Variants in CDKAL1 observed in about 807,000 individuals in gnomAD.
CDKAL1 encodes the protein CDKAL1 threonylcarbamoyladenosine tRNA methylthiotransferase.
A neutral mutation model predicts 68.2 loss-of-function variants in CDKAL1; 32 were observed. That is an observed-to-expected ratio of 0.47 (90% CI 0.35 to 0.63). The LOEUF is 0.63. Ranked by LOEUF, CDKAL1 falls within the 30% of genes least tolerant of loss-of-function variation. The pLI is 0.00. For synonymous variants in CDKAL1, 234 were observed against 244.3 expected (o/e 0.96, Z 0.39); for missense variants, 606 against 696.7 (o/e 0.87, Z 1.47).
At chr6:20,794,444 T>C (rs1776027936) in intron 8 of CDKAL1, among the ~76,000 whole-genome samples, 1 of 152,128 alleles carries the variant, frequency 6.6e-6, no homozygotes. Context: ...ATGAGAATGA[T>C]CTGAAGACTT....
chr6:20,696,854 T>C (rs1415258613), intron 5 of CDKAL1, among the ~76,000 whole-genome samples: 1 of 152,180 alleles, frequency 6.6e-6, no homozygotes, highest in Non-Finnish European at 1.5e-5. Flanking sequence ...CAGTATGTGT[T>C]GAAGAATGTT....
At chr6:20,830,251 A>G (rs1777659035) in intron 8 of CDKAL1, among the ~76,000 whole-genome samples, 1 of 152,240 alleles carries the variant, frequency 6.6e-6, no homozygotes, top group Admixed American at 6.5e-5. Flanking sequence ...TCAAAACAAA[A>G]TAAATGATAG....
intron 8 of CDKAL1, among the ~76,000 whole-genome samples, chr6:20,788,698 G>A (rs368447175): frequency 6.6e-6 from 1 of 152,114 alleles, no homozygotes. Context: ...TGATGCTGCT[G>A]TATCTTCTAC....
chr6:20,589,805 T>G (rs1327743442), intron 4 of CDKAL1, among the ~76,000 whole-genome samples: 1 of 152,218 alleles, frequency 6.6e-6, no homozygotes, highest in Non-Finnish European at 1.5e-5. Flanking sequence ...CAAATTTATG[T>G]TTAAAGTTTC....
At chr6:20,653,917 TTATATTTTTAG>T (rs1260084858) in intron 5 of CDKAL1, among the ~76,000 whole-genome samples, 1 of 150,526 alleles carries the variant, frequency 6.6e-6, no homozygotes, top group Non-Finnish European at 1.5e-5. Context: ...AGTCAATTTT[TTATATTTTTAG>T]TAGAGATGCG....
chr6:21,027,871 G>A (rs1036807755), intron 11 of CDKAL1, among the ~76,000 whole-genome samples: 1 of 150,906 alleles, frequency 6.6e-6, no homozygotes, highest in African/African-American at 2.4e-5. Flanking sequence ...TGTAGATCAT[G>A]TTCTGGAAAA....
chr6:21,176,071 TG>T (rs1777560411), intron 13 of CDKAL1, among the ~76,000 whole-genome samples: 1 of 152,212 alleles, frequency 6.6e-6, no homozygotes, highest in East Asian at 1.9e-4. Context: ...CTCTACTGCA[TG>T]GGGTGTTTTG....
At position 20,862,662 on chromosome 6, in the gene CDKAL1, T is replaced by TGTGTGC. The variant is rs1554132203; in HGVS notation, c.742+16485_742+16486insTGTGCG. Among the ~76,000 whole-genome samples, 34 of 133,878 alleles carry TGTGTGC rather than the reference T, an allele frequency of 2.5e-4. No homozygotes were observed. The Middle Eastern group carries it at 0.013, about 50-fold the overall frequency. The allele number at this position is 133,878 out of a possible 152,430, so 87.8% of individuals were successfully genotyped here. A position where few individuals can be genotyped will look rare whatever the true frequency, so the allele number is the denominator to read the frequency against. ...GTGTGTGTGTGTGTGTGTGTGTGTG[T>TGTGTGC]GCGCGCGTGCATGCGCGCGTGCGCA... is the stretch of plus-strand genomic sequence containing the variant. On this transcript the variant is annotated intron_variant, in intron 9 of 15. Coordinates refer to ENST00000274695, the MANE Select transcript of CDKAL1 (RefSeq NM_017774.3).
rs947161359 is a variant in CDKAL1, at chr6:21,136,419, A to G, written c.1299+27956A>G. On this transcript the variant is annotated intron_variant, in intron 13 of 15. Coordinates refer to ENST00000274695, the MANE Select transcript of CDKAL1 (RefSeq NM_017774.3). Reference sequence around the variant, plus strand: ...AGCTAATTTTAATTCTGAGATTCATATGTAATGCCATTACTACCCACTATT... The same window carrying G: ...AGCTAATTTTAATTCTGAGATTCATGTGTAATGCCATTACTACCCACTATT... 1.3e-4 allele frequency among the ~76,000 whole-genome samples: 20 copies of G among 152,332 alleles called. 1 individual carries two copies. The highest frequency in any genetic ancestry group is 4.3e-4 in the African/African-American group (18 of 41,566).
At chr6:20,635,979 G>A (rs571448866) in intron 4 of CDKAL1, among the ~76,000 whole-genome samples, 1 of 152,254 alleles carries the variant, frequency 6.6e-6, no homozygotes, top group Admixed American at 6.5e-5. Context: ...TAAACTGGGG[G>A]AAACATAGTA....
intron 4 of CDKAL1, among the ~76,000 whole-genome samples, chr6:20,645,644 T>C (rs1421505853): frequency 1.3e-5 from 2 of 151,618 alleles, no homozygotes; most frequent in African/African-American, 4.9e-5. Context: ...GGCAGGAGAA[T>C]CACTTGGGCC....
chr6:20,688,136 C>T (rs555334603), intron 5 of CDKAL1, among the ~76,000 whole-genome samples: 81 of 152,072 alleles, frequency 5.3e-4, no homozygotes, highest in Admixed American at 5.0e-3. Context: ...CCTCACCCCC[C>T]ACCTCTGGCT....
intron 4 of CDKAL1, among the ~76,000 whole-genome samples, chr6:20,578,949 C>T (rs1269341414): frequency 6.6e-6 from 1 of 152,110 alleles, no homozygotes; most frequent in African/African-American, 2.4e-5. Flanking sequence ...GAAAGAAGTG[C>T]AGTAGCTAGT....
chr6:20,924,422 GGGT>G (rs1763094963), intron 9 of CDKAL1, among the ~76,000 whole-genome samples: 1 of 151,716 alleles, frequency 6.6e-6, no homozygotes, highest in Non-Finnish European at 1.5e-5. Flanking sequence ...GCTGAAAGCT[GGGT>G]CTCTTATACC....
At position 20,955,554 on chromosome 6, in the gene CDKAL1, C is replaced by G; in HGVS notation, c.878C>G (p.Thr293Arg). 6.2e-7 allele frequency: 1 copy of G among 1,614,096 alleles called. No homozygotes were observed. The highest frequency in any genetic ancestry group is 8.5e-7 in the Non-Finnish European group (1 of 1,179,996). ...PEGAMLRLGM[T>R]NPPYILEHLE... is the part of the protein sequence containing the mutation. The stretch of plus-strand genomic sequence containing the variant: ...GGAGCAATGCTGAGGCTTGGCATGA[C>G]AAATCCGCCCTATATTTTAGAGCAT... Residue 293 changes from threonine to arginine, a missense_variant, in exon 10 of 16, where the codon ACA (threonine) becomes AGA (arginine). Thr to Arg is a moderately conservative substitution (Grantham distance 71). Coordinates refer to ENST00000274695, the MANE Select transcript of CDKAL1 (RefSeq NM_017774.3).
chr6:20,998,242 A>G (rs1269886612), intron 10 of CDKAL1, among the ~76,000 whole-genome samples: 1 of 152,222 alleles, frequency 6.6e-6, no homozygotes, highest in Non-Finnish European at 1.5e-5. Flanking sequence ...GCATAAGGCC[A>G]GCATATTTAC....
intron 5 of CDKAL1, among the ~76,000 whole-genome samples, chr6:20,670,759 A>G (rs1769775027): frequency 6.6e-6 from 1 of 152,134 alleles, no homozygotes; most frequent in Admixed American, 6.5e-5. Flanking sequence ...AAATTTTTAA[A>G]TTTCCTTTTG....
At chr6:20,852,079 T>G (rs1271751570) in intron 9 of CDKAL1, among the ~76,000 whole-genome samples, 4 of 152,204 alleles carry the variant, frequency 2.6e-5, no homozygotes, top group Non-Finnish European at 5.9e-5. Context: ...GGATTAATGA[T>G]GCAATTTACA....
chr6:20,611,805 TG>T (rs1392227082), intron 4 of CDKAL1, among the ~76,000 whole-genome samples: 1 of 152,198 alleles, frequency 6.6e-6, no homozygotes, highest in Non-Finnish European at 1.5e-5. Context: ...TGTTGCTGTC[TG>T]TAGTCACCCT....
Sources: allele counts gnomAD v4.1 joint callset (sites outside exome capture counted in the v4.1 genomes callset), GRCh38; gene constraint gnomAD v4.1.1; transcripts MANE v1.5; gene names NCBI Gene and HGNC (gene_info 2026-07-23, HGNC 2026-07-21).